The following MARCHF4 variants were observed in gnomAD, a reference collection of about 807,000 sequenced individuals.
MARCHF4 encodes the protein E3 ubiquitin-protein ligase MARCHF4.
MARCHF4 carries 14 observed loss-of-function variants against 43.9 expected under a neutral mutation model. That is an observed-to-expected ratio of 0.32 (90% confidence interval 0.21 to 0.50). The LOEUF (loss-of-function observed/expected upper bound fraction) is 0.50. Among genes scored for constraint, MARCHF4 ranks in the 20% least tolerant of loss-of-function variants. MARCHF4 has a pLI of 0.98. For missense variants in MARCHF4, 468 were observed against 536.7 expected, an observed-to-expected ratio of 0.87 and a Z score of 1.27; for synonymous variants, 226 against 213.3, an observed-to-expected ratio of 1.06 and a Z score of -0.52.
chr2:216,327,361 A>T (rs1406529947), intron 1 of MARCHF4, among the ~76,000 whole-genome samples: 1 of 151,718 alleles, frequency 6.6e-6, no homozygotes, highest in East Asian at 1.9e-4. Flanking sequence ...CCCCACCACC[A>T]GCATACAGAT....
chr2:216,263,493 A>AAGAGAGAGAGAGAG (rs150783185), intron 3 of MARCHF4, among the ~76,000 whole-genome samples: 1 of 58,886 alleles, frequency 1.7e-5, no homozygotes, highest in African/African-American at 3.9e-5. Context: ...AGGAGAGAGA[A>AAGAGAGAGAGAGAG]AGAGAGAGAG....
intron 1 of MARCHF4, among the ~76,000 whole-genome samples, chr2:216,356,856 C>G (rs1574487293): frequency 6.6e-6 from 1 of 151,962 alleles, no homozygotes; most frequent in African/African-American, 2.4e-5. Context: ...AACCCCGTCT[C>G]TACTAAAAAT....
chr2:216,309,177 T>C (rs191403101), intron 1 of MARCHF4, among the ~76,000 whole-genome samples: 18 of 152,276 alleles, frequency 1.2e-4, no homozygotes, highest in Admixed American at 2.0e-4. Context: ...TTAAAGACGG[T>C]TTCTGGAAAA....
intron 2 of MARCHF4, among the ~76,000 whole-genome samples, chr2:216,279,337 C>A (rs1013575196): frequency 6.6e-6 from 1 of 152,204 alleles, no homozygotes; most frequent in Non-Finnish European, 1.5e-5. Context: ...TGGGGTGAGA[C>A]AACTGGAAAA....
At chr2:216,314,469 A>G (rs1000684747) in intron 1 of MARCHF4, among the ~76,000 whole-genome samples, 1 of 151,984 alleles carries the variant, frequency 6.6e-6, no homozygotes, top group African/African-American at 2.4e-5. Context: ...GATTACAGGC[A>G]CACGCCACCA....
chr2:216,322,186 G>A (rs191457880), intron 1 of MARCHF4, among the ~76,000 whole-genome samples: 102 of 152,290 alleles, frequency 6.7e-4, no homozygotes, highest in Non-Finnish European at 3.7e-4. Context: ...AACCAACAAA[G>A]GCAGCATCTC....
At chr2:216,314,846 A>G (rs1470637899) in intron 1 of MARCHF4, among the ~76,000 whole-genome samples, 1 of 152,146 alleles carries the variant, frequency 6.6e-6, no homozygotes, top group East Asian at 1.9e-4. Flanking sequence ...AGAGCATGAG[A>G]GGTGACAGAG....
At chr2:216,359,437 C>T (rs1484931563) in intron 1 of MARCHF4, among the ~76,000 whole-genome samples, 1 of 152,204 alleles carries the variant, frequency 6.6e-6, no homozygotes, top group Non-Finnish European at 1.5e-5. Context: ...CTTTTTACCT[C>T]TTCTTCATCA....
In MARCHF4 at chr2:216,370,388, T is replaced by C; in HGVS notation, c.-128A>G. 1 of 663,182 alleles carries C rather than the reference T, an allele frequency of 1.5e-6. No individual in the cohort carries two copies. The highest frequency in any genetic ancestry group is 2.4e-6 in the Non-Finnish European group (1 of 408,400). The allele number at this position is 663,182 out of a possible 1,614,324, so 41.1% of individuals were successfully genotyped here. A position where few individuals can be genotyped will look rare whatever the true frequency, so the allele number is the denominator to read the frequency against. ...AGTCTGCTTTCTCACTGGCTTTTCT[T>C]ACAACCCCTCCAAGTAGCAAATAAA... On this transcript the variant is annotated 5_prime_UTR_variant, in exon 1 of 4. Coordinates refer to ENST00000273067, the MANE Select transcript of MARCHF4 (RefSeq NM_020814.3).
chr2:216,345,145 T>G (rs562332186), intron 1 of MARCHF4, among the ~76,000 whole-genome samples: 1 of 151,896 alleles, frequency 6.6e-6, no homozygotes, highest in African/African-American at 2.4e-5. Context: ...AAAGAAAGGC[T>G]GAATAGTGGG....
intron 1 of MARCHF4, among the ~76,000 whole-genome samples, chr2:216,309,422 C>G (rs1029248235): frequency 6.6e-6 from 1 of 152,216 alleles, no homozygotes; most frequent in Non-Finnish European, 1.5e-5. Context: ...ACATAGGACA[C>G]TTTCCTTTGC....
chr2:216,349,658 G>A (rs373657670), intron 1 of MARCHF4, among the ~76,000 whole-genome samples: 4 of 152,164 alleles, frequency 2.6e-5, no homozygotes, highest in East Asian at 1.9e-4. Context: ...GAGGCCTCAG[G>A]GGGGAAGAAT....
Position 216,277,801 on chromosome 2 carries a change from G to C in MARCHF4, c.736C>G (p.Leu246Val), listed in dbSNP as rs1302777598. ...CAAGAAATACTGGCGATGAGGAAGA[G>C]GGAGCCCAGGATGGCGGCTGCAACC... ...VQVAAAILGS[L>V]FLIASISWLI... The change falls in exon 3 of 4, where the codon CTC (leucine) becomes GTC (valine). Residue 246 changes from leucine (L) to valine (V), a missense_variant. This residue lies in a region of MARCHF4 where 158 missense variants were observed against 251.1 expected (regional missense o/e 0.63). Transcript: ENST00000273067. 1 of 1,614,032 alleles carries C rather than the reference G, an allele frequency of 6.2e-7. No homozygotes were observed. The highest frequency in any genetic ancestry group is 8.5e-7 in the Non-Finnish European group (1 of 1,179,992).
In MARCHF4 at chr2:216,358,799, T is replaced by A. The variant is rs150273820; in HGVS notation, c.516+10946A>T. Among the ~76,000 whole-genome samples, 78 of 152,298 alleles carry A rather than the reference T, an allele frequency of 5.1e-4. 1 individual carries two copies. In the East Asian group the frequency reaches 0.012, roughly 23 times the overall value. The stretch of plus-strand genomic sequence containing the variant: ...CCCCTATTGCTGTTAGGCAGAGCCA[T>A]GTTCCTAGATGCAGCCAGGCATTTG... On this transcript the variant is annotated intron_variant, in intron 1 of 3. Transcript: ENST00000273067.
intron 2 of MARCHF4, among the ~76,000 whole-genome samples, chr2:216,282,037 T>C (rs1268645555): frequency 6.6e-6 from 1 of 152,088 alleles, no homozygotes; most frequent in Non-Finnish European, 1.5e-5. Flanking sequence ...TTGAGCTGGC[T>C]GAAAAGGAAG....
chr2:216,259,505 G>A lies in MARCHF4; in HGVS notation c.1040C>T (p.Ser347Leu), dbSNP rs745717127. Residue 347 changes from serine to leucine, a missense_variant, in exon 4 of 4, where the codon TCG becomes TTG. Ser to Leu is a moderately radical substitution (Grantham distance 145, BLOSUM62 -2). Around this residue, in one of 3 missense-constraint regions of MARCHF4, gnomAD observed 120 missense variants for 127.1 expected, o/e 0.94. Transcript: ENST00000273067. ...AGGGGTGCCTGCGGTCTCCTCTTCC[G>A]AGGAGGGGATATTGGCCTGGGTGGA... ...SSSTQANIPS[S>L]EEETAGTPAP... The A allele has an allele frequency of 6.8e-6, 11 of 1,614,094 alleles. No homozygotes were observed. The highest frequency in any genetic ancestry group is 1.3e-5 in the African/African-American group (1 of 74,936).
intron 1 of MARCHF4, among the ~76,000 whole-genome samples, chr2:216,351,822 C>T (rs1360729350): frequency 6.6e-6 from 1 of 152,194 alleles, no homozygotes; most frequent in Non-Finnish European, 1.5e-5. Context: ...AATAACAGAA[C>T]CTGTTAACCC....
At chr2:216,276,607 A>C (rs938821465) in intron 3 of MARCHF4, among the ~76,000 whole-genome samples, 6 of 152,194 alleles carry the variant, frequency 3.9e-5, no homozygotes, top group African/African-American at 7.2e-5. Flanking sequence ...AAATTCACAC[A>C]AACGTCATCC....
At chr2:216,268,846 G>A (rs1210856287) in intron 3 of MARCHF4, among the ~76,000 whole-genome samples, 2 of 152,180 alleles carry the variant, frequency 1.3e-5, no homozygotes, top group South Asian at 2.1e-4. Context: ...TGTGGCATAT[G>A]TATGTTTTGT....
Sources: allele counts gnomAD v4.1 joint callset (sites outside exome capture counted in the v4.1 genomes callset), GRCh38; gene constraint gnomAD v4.1.1; regional missense constraint gnomAD v4.1.1; transcripts MANE v1.5; gene names NCBI Gene and HGNC (gene_info 2026-07-23, HGNC 2026-07-21).